GNS: variants seen among roughly 807,000 people sequenced by gnomAD.
The protein encoded by GNS is glucosamine (N-acetyl)-6-sulfatase, also known as N-acetylglucosamine-6-sulfatase.
GNS carries 40 observed loss-of-function variants against 69.7 expected under a neutral mutation model. That is an observed-to-expected ratio of 0.57 (90% CI 0.45 to 0.75). The LOEUF (loss-of-function observed/expected upper bound fraction) is 0.75. GNS is among the 30% of genes least tolerant of loss of function. The probability of loss-of-function intolerance (pLI) is 0.00; values close to 1 mark genes in which losing one functional copy is unlikely to be tolerated. For missense variants in GNS, 565 were observed against 685.5 expected (o/e 0.82, Z 1.96); for synonymous variants, 243 against 251.6 (o/e 0.97, Z 0.32).
chr12:64,734,261 T>C (rs1304770568), intron 9 of GNS, among the ~76,000 whole-genome samples: 4 of 152,328 alleles, frequency 2.6e-5, no homozygotes, highest in East Asian at 3.9e-4. Flanking sequence ...ATTCAACCAA[T>C]GTGGATGTTC....
At chr12:64,750,076 C>T (rs1321214717) in intron 2 of GNS, among the ~76,000 whole-genome samples, 3 of 151,856 alleles carry the variant, frequency 2.0e-5, no homozygotes, top group Non-Finnish European at 4.4e-5. Context: ...GATGGAGTTT[C>T]GCTCTTGTCA....
chr12:64,744,875 C>A lies in GNS; in HGVS notation c.558G>T (p.Leu186=). 1 of 1,537,380 alleles carries A rather than the reference C, an allele frequency of 6.5e-7. No homozygotes were observed. Among genetic ancestry groups the A allele is most frequent in the Non-Finnish European group, 9.0e-7 (1 of 1,110,006 alleles). The change falls in exon 5 of 14, where the codon CTG becomes CTT. Residue 186 remains leucine, a synonymous_variant. Transcript: ENST00000258145. ...EKNSKYYNYT[L]SINGKARKHG... ...GCTTCCGTGCCTTCCCATTGATAGA[C>A]AGGGTGTAATTATAATACTTAGAAT...
At chr12:64,751,156 C>T (rs1384333359) in intron 2 of GNS, among the ~76,000 whole-genome samples, 5 of 151,848 alleles carry the variant, frequency 3.3e-5, no homozygotes, top group Non-Finnish European at 5.9e-5. Context: ...CAGACCAGCC[C>T]GGGCTACATA....
intron 10 of GNS, among the ~76,000 whole-genome samples, chr12:64,723,385 A>C (rs1869094470): frequency 6.6e-6 from 1 of 152,216 alleles, no homozygotes; most frequent in Non-Finnish European, 1.5e-5. Flanking sequence ...ATGGAACCTG[A>C]CAAGGTAGCT....
At position 64,723,752 on chromosome 12, in the gene GNS, T is replaced by C. The variant is rs951908045; in HGVS notation, c.1201-639A>G. ...GAGCAAGTTTTAGATTCAAAGAGCATGAATATAGGTTGAACGCAGACCACT... is the reference window on the plus strand; with the variant it reads ...GAGCAAGTTTTAGATTCAAAGAGCACGAATATAGGTTGAACGCAGACCACT... On this transcript the variant is annotated intron_variant, in intron 10 of 13. Transcript: ENST00000258145. Among the ~76,000 whole-genome samples the C allele has an allele frequency of 3.3e-5, 5 of 152,210 alleles. No individual in the cohort carries two copies. The South Asian group carries it at 1.0e-3, about 32-fold the overall frequency.
intron 2 of GNS, among the ~76,000 whole-genome samples, chr12:64,749,992 C>T (rs1336829065): frequency 1.3e-5 from 2 of 151,798 alleles, no homozygotes; most frequent in Non-Finnish European, 2.9e-5. Context: ...TCCTCCCACC[C>T]CAACTTCCCA....
chr12:64,752,135 A>C (rs1421675135), intron 2 of GNS, among the ~76,000 whole-genome samples: 1 of 152,070 alleles, frequency 6.6e-6, no homozygotes, highest in African/African-American at 2.4e-5. Context: ...ACTGCTAGAA[A>C]AGAGGCAGAG....
At chr12:64,737,818 C>T (rs1020831833) in intron 8 of GNS, among the ~76,000 whole-genome samples, 123 of 152,152 alleles carry the variant, frequency 8.1e-4, no homozygotes, top group Non-Finnish European at 3.1e-4. Context: ...TATCAAGTCC[C>T]TAATCTAACT....
Position 64,759,098 on chromosome 12 carries a change from A to G in GNS, c.179T>C (p.Val60Ala). 2 of 1,562,458 alleles carry G rather than the reference A, an allele frequency of 1.3e-6. No individual in the cohort carries two copies. The highest frequency in any genetic ancestry group is 8.7e-7 in the Non-Finnish European group (1 of 1,153,342). Reference sequence around the variant, plus strand: ...CAGAAGAGTTACCATGCCGCCGAGCACTTCGTCCTGGTCGTCCGTGAGGAG... The same window carrying G: ...CAGAAGAGTTACCATGCCGCCGAGCGCTTCGTCCTGGTCGTCCGTGAGGAG... ...VLLLTDDQDEVLGGMTPLKKT... is the reference protein window; with the variant it reads ...VLLLTDDQDEALGGMTPLKKT... Residue 60 changes from valine to alanine, a missense_variant, in exon 1 of 14, where the codon GTG becomes GCG. Physicochemically the swap from Val to Ala is moderately conservative, Grantham distance 64. Coordinates refer to ENST00000258145, the MANE Select transcript of GNS (RefSeq NM_002076.4).
At chr12:64,726,513 TA>T (rs1244387986) in intron 10 of GNS, among the ~76,000 whole-genome samples, 1 of 152,102 alleles carries the variant, frequency 6.6e-6, no homozygotes, top group Non-Finnish European at 1.5e-5. Flanking sequence ...CACTAAACAT[TA>T]AAAGAAACAA....
In GNS at chr12:64,723,117, G is replaced by C; in HGVS notation, c.1201-4C>G. 6.4e-7 allele frequency: 1 copy of C among 1,555,488 alleles called. No homozygotes were observed. Among genetic ancestry groups the C allele is most frequent in the Non-Finnish European group, 8.9e-7 (1 of 1,126,500 alleles). On this transcript the variant is annotated splice_polypyrimidine_tract_variant and splice_region_variant and intron_variant, in intron 10 of 13. Transcript: ENST00000258145. ...AGGTCAAGTTACTGGCACCTCTCTA[G>C]AAAGAAGAGCAAGTGGAATTTCTGT... is the stretch of plus-strand genomic sequence containing the variant.
At chr12:64,744,695 T>C (rs563036448) in intron 5 of GNS, 114 bp downstream of exon 5, 4 of 719,516 alleles carry the variant, frequency 5.6e-6, no homozygotes, top group Admixed American at 2.0e-5. Flanking sequence ...CAAGTTACTG[T>C]GCATTTATAT....
chr12:64,743,362 AATAG>A, intron 5 of GNS, 54 bp from the exon 6 acceptor site: 1 of 1,258,648 alleles, frequency 7.9e-7, no homozygotes, highest in South Asian at 1.2e-5. Flanking sequence ...ATGAGTATTT[AATAG>A]ATAAATGTCT....
At chr12:64,740,160 C>A (rs550199446) in intron 7 of GNS, among the ~76,000 whole-genome samples, 2 of 152,188 alleles carry the variant, frequency 1.3e-5, no homozygotes, top group Non-Finnish European at 2.9e-5. Flanking sequence ...CCCTGGTCTA[C>A]ACTAAACACT....
intron 9 of GNS, among the ~76,000 whole-genome samples, chr12:64,731,183 C>T (rs989632585): frequency 2.6e-5 from 4 of 152,238 alleles, no homozygotes; most frequent in Admixed American, 6.5e-5. Context: ...CTCAACTGAT[C>T]CTCCTGCCTC....
intron 3 of GNS, 49 bp downstream of exon 3, chr12:64,747,663 T>G (rs1869935991): frequency 3.0e-6 from 3 of 988,048 alleles, no homozygotes; most frequent in Middle Eastern, 4.2e-4. Context: ...TGAATTATAT[T>G]CACATTTTAA....
At chr12:64,716,856 C>A in intron 13 of GNS, 37 bp from the exon 14 acceptor site, 1 of 1,238,626 alleles carries the variant, frequency 8.1e-7, no homozygotes, top group Non-Finnish European at 1.2e-6. Flanking sequence ...TTAGCTCTCA[C>A]TAGCTTCTCA....
intron 2 of GNS, among the ~76,000 whole-genome samples, chr12:64,749,385 T>A (rs1870004392): frequency 6.6e-6 from 1 of 150,966 alleles, no homozygotes; most frequent in African/African-American, 2.4e-5. Context: ...CCCAAGTAGC[T>A]GGGACTACAG....
chr12:64,750,391 T>C (rs946431024), intron 2 of GNS, among the ~76,000 whole-genome samples: 39 of 151,906 alleles, frequency 2.6e-4, no homozygotes, highest in African/African-American at 9.4e-4. Flanking sequence ...ATATAGGCTC[T>C]TGCCATATTG....
Sources: allele counts gnomAD v4.1 joint callset (sites outside exome capture counted in the v4.1 genomes callset), GRCh38; gene constraint gnomAD v4.1.1; transcripts MANE v1.5; gene names NCBI Gene and HGNC (gene_info 2026-07-23, HGNC 2026-07-21).